GALNT17: variants seen among roughly 807,000 people sequenced by gnomAD.
GALNT17 encodes the protein UDP-GalNAc:polypeptide N-acetylgalactosaminyltransferase-like 3.
GALNT17 carries 29 observed loss-of-function variants against 63.7 expected under a neutral mutation model. That is an observed-to-expected ratio of 0.46 (90% confidence interval 0.34 to 0.62). The LOEUF (loss-of-function observed/expected upper bound fraction) is 0.62. Ranked by LOEUF, GALNT17 falls within the 20% of genes least tolerant of loss-of-function variation. The probability of loss-of-function intolerance (pLI) is 0.01; values close to 1 mark genes in which losing one functional copy is unlikely to be tolerated. For synonymous variants in GALNT17, 305 were observed against 318.3 expected (o/e 0.96, Z 0.45); for missense variants, 603 against 799.6 (o/e 0.75, Z 2.97).
intron 1 of GALNT17, among the ~76,000 whole-genome samples, chr7:71,233,295 T>G (rs890639936): frequency 2.0e-5 from 3 of 152,050 alleles, no homozygotes; most frequent in Non-Finnish European, 2.9e-5. Context: ...TTCACAGGAC[T>G]AGGGTGAGGT....
intron 5 of GALNT17, among the ~76,000 whole-genome samples, chr7:71,490,622 A>G (rs2116671728): frequency 6.6e-6 from 1 of 152,118 alleles, no homozygotes; most frequent in East Asian, 1.9e-4. Context: ...CAAATTAGCC[A>G]GGCAAGGTGG....
intron 5 of GALNT17, among the ~76,000 whole-genome samples, chr7:71,424,376 C>T (rs969111650): frequency 6.6e-6 from 1 of 152,156 alleles, no homozygotes; most frequent in Non-Finnish European, 1.5e-5. Flanking sequence ...AGGGTGTCAC[C>T]GTAAGTGCTG....
chr7:71,314,107 A>G (rs1791459139), intron 1 of GALNT17, among the ~76,000 whole-genome samples: 1 of 152,220 alleles, frequency 6.6e-6, no homozygotes, highest in Non-Finnish European at 1.5e-5. Context: ...TGTAGAGAAC[A>G]GTGAATTGTT....
intron 5 of GALNT17, among the ~76,000 whole-genome samples, chr7:71,461,860 G>A (rs894519397): frequency 9.2e-5 from 14 of 152,144 alleles, no homozygotes; most frequent in African/African-American, 3.1e-4. Flanking sequence ...CGACAGGTCC[G>A]AGTTACTTAT....
chr7:71,543,700 G>GT (rs71089956), intron 5 of GALNT17, among the ~76,000 whole-genome samples: 278 of 149,120 alleles, frequency 1.9e-3, no homozygotes, highest in East Asian at 0.011. Context: ...GTTTCAGCAG[G>GT]TTTTTTTTTT....
chr7:71,215,515 A>T (rs1789461072), intron 1 of GALNT17, among the ~76,000 whole-genome samples: 2 of 152,112 alleles, frequency 1.3e-5, no homozygotes, highest in African/African-American at 2.4e-5. Context: ...ATTCTGTCTT[A>T]AAGTAGAGAG....
intron 1 of GALNT17, among the ~76,000 whole-genome samples, chr7:71,213,583 A>G (rs1372996407): frequency 6.6e-6 from 1 of 151,290 alleles, no homozygotes; most frequent in East Asian, 2.0e-4. Context: ...TTTTACTTTT[A>G]TTTCTTTTTA....
intron 6 of GALNT17, among the ~76,000 whole-genome samples, chr7:71,617,997 A>G (rs1402212341): frequency 1.3e-5 from 2 of 151,952 alleles, no homozygotes; most frequent in Admixed American, 1.3e-4. Context: ...GTAGTCCACA[A>G]TATCTGTTGT....
chr7:71,270,130 C>T (rs1467067636), intron 1 of GALNT17, among the ~76,000 whole-genome samples: 1 of 151,954 alleles, frequency 6.6e-6, no homozygotes, highest in African/African-American at 2.4e-5. Context: ...TATTTTTAGC[C>T]CCGTTTTACA....
chr7:71,476,216 G>T (rs890347174), intron 5 of GALNT17, among the ~76,000 whole-genome samples: 2 of 152,188 alleles, frequency 1.3e-5, no homozygotes, highest in African/African-American at 4.8e-5. Context: ...GTGCCACAGA[G>T]GTTGGTGTTT....
chr7:71,689,282 G>A (rs910562536), intron 9 of GALNT17, among the ~76,000 whole-genome samples: 9 of 152,078 alleles, frequency 5.9e-5, no homozygotes, highest in African/African-American at 2.2e-4. Context: ...CAAGTCACAA[G>A]CCAAATAAGG....
At chr7:71,480,118 G>A (rs2116638837) in intron 5 of GALNT17, among the ~76,000 whole-genome samples, 1 of 149,804 alleles carries the variant, frequency 6.7e-6, no homozygotes, top group East Asian at 2.0e-4. Context: ...ACAGTCACGG[G>A]TCCACAGCTC....
At chr7:71,160,712 GC>G (rs1244601981) in intron 1 of GALNT17, among the ~76,000 whole-genome samples, 3 of 152,150 alleles carry the variant, frequency 2.0e-5, no homozygotes, top group Admixed American at 1.3e-4. Context: ...GCCTGCCTCG[GC>G]CCCCCAAAGT....
At chr7:71,276,023 A>T (rs1790675442) in intron 1 of GALNT17, among the ~76,000 whole-genome samples, 1 of 152,112 alleles carries the variant, frequency 6.6e-6, no homozygotes, top group Non-Finnish European at 1.5e-5. Flanking sequence ...CTGGCACTTA[A>T]TTTTGTGATT....
intron 1 of GALNT17, among the ~76,000 whole-genome samples, chr7:71,329,787 C>T (rs1339758768): frequency 3.3e-5 from 5 of 151,988 alleles, no homozygotes; most frequent in Admixed American, 3.3e-4. Context: ...CAGGTCCCTA[C>T]CCCAACACTG....
intron 5 of GALNT17, among the ~76,000 whole-genome samples, chr7:71,486,196 G>A (rs1787905800): frequency 1.3e-5 from 2 of 151,808 alleles, no homozygotes; most frequent in Non-Finnish European, 2.9e-5. Flanking sequence ...GGGCGTGGTG[G>A]CACATGCCTG....
intron 5 of GALNT17, among the ~76,000 whole-genome samples, chr7:71,433,535 A>G (rs1786905942): frequency 6.6e-6 from 1 of 152,242 alleles, no homozygotes; most frequent in Admixed American, 6.5e-5. Context: ...CTTTCTCAGA[A>G]GCTGATGGCT....
chr7:71,239,507 G>A (rs1286077112), intron 1 of GALNT17, among the ~76,000 whole-genome samples: 1 of 152,158 alleles, frequency 6.6e-6, no homozygotes. Context: ...AAAAAATACT[G>A]TGTTCATGAC....
intron 5 of GALNT17, among the ~76,000 whole-genome samples, chr7:71,458,607 C>T (rs1442161892): frequency 2.6e-5 from 4 of 152,148 alleles, no homozygotes; most frequent in Non-Finnish European, 4.4e-5. Context: ...AGAATCAGGT[C>T]ACACATGGAC....
Sources: allele counts gnomAD v4.1 joint callset (sites outside exome capture counted in the v4.1 genomes callset), GRCh38; gene constraint gnomAD v4.1.1; transcripts MANE v1.5; gene names NCBI Gene and HGNC (gene_info 2026-07-23, HGNC 2026-07-21).